TSPAN14: variants seen among roughly 807,000 people sequenced by gnomAD.
The protein encoded by TSPAN14 is tetraspanin 14, also known as tetraspanin-14.
A neutral mutation model predicts 36.6 loss-of-function variants in TSPAN14; 16 were observed. That is an observed-to-expected ratio of 0.44 (90% CI 0.30 to 0.66). The LOEUF (loss-of-function observed/expected upper bound fraction) is 0.66, where lower values mean the gene tolerates loss of function less well. Among genes scored for constraint, TSPAN14 ranks in the 30% least tolerant of loss-of-function variants. The pLI, the probability that TSPAN14 is intolerant of heterozygous loss-of-function variation, is 0.12. For synonymous variants in TSPAN14, 139 were observed against 143.8 expected, an observed-to-expected ratio of 0.97 and a Z score of 0.24; for missense variants, 231 against 355.1, an observed-to-expected ratio of 0.65 and a Z score of 2.81.
intron 1 of TSPAN14, among the ~76,000 whole-genome samples, chr10:80,465,464 G>T (rs1180220943): frequency 1.3e-5 from 2 of 152,202 alleles, no homozygotes; most frequent in East Asian, 3.8e-4. Context: ...GCGCTGGTGG[G>T]GTGGAAACCC....
In TSPAN14 at chr10:80,509,704, G is replaced by T; in HGVS notation, c.450+233G>T. ...TGGGATTGGGCAGGCAAGTCCAGCT[G>T]TACCCGAGGCCACCCACCCCCCACG... On this transcript the variant is annotated intron_variant, in intron 5 of 8. Coordinates refer to ENST00000429989, the Ensembl canonical transcript of TSPAN14. The surrounding 1 kb of genome is among the most constrained non-coding windows in gnomAD (Gnocchi z 4.7). 1.8e-6 allele frequency: 1 copy of T among 541,376 alleles called. No homozygotes were observed. Among genetic ancestry groups the T allele is most frequent in the Non-Finnish European group, 3.3e-6 (1 of 306,516 alleles). 33.5% of individuals were successfully genotyped at this position (541,376 alleles called of 1,614,324 possible).
At chr10:80,465,420 A>G (rs771845128) in intron 1 of TSPAN14, among the ~76,000 whole-genome samples, 10 of 152,272 alleles carry the variant, frequency 6.6e-5, no homozygotes, top group East Asian at 1.9e-4. Context: ...CTTGAATCTC[A>G]GGCTGGCAGT....
At chr10:80,493,076 A>G (rs908571344) in intron 2 of TSPAN14, among the ~76,000 whole-genome samples, 5 of 152,216 alleles carry the variant, frequency 3.3e-5, no homozygotes, top group Non-Finnish European at 7.3e-5. Flanking sequence ...GCTTCCATGC[A>G]ACATGGCTTT....
chr10:80,454,416 C>A (rs1302839260), intron 1 of TSPAN14, 45 bp downstream of exon 1: 2 of 152,308 alleles, frequency 1.3e-5, no homozygotes, highest in Non-Finnish European at 2.9e-5. Context: ...GGCCCTGCCC[C>A]TTTCTTTGTC....
chr10:80,502,422 C>A (rs1211661126), intron 2 of TSPAN14, among the ~76,000 whole-genome samples: 1 of 152,064 alleles, frequency 6.6e-6, no homozygotes, highest in Non-Finnish European at 1.5e-5. Flanking sequence ...GTGAGGAGCC[C>A]CGTGGGATCC....
chr10:80,513,201 T>C (rs1438144501), intron 6 of TSPAN14, among the ~76,000 whole-genome samples: 1 of 152,172 alleles, frequency 6.6e-6, no homozygotes, highest in Non-Finnish European at 1.5e-5. Flanking sequence ...GCCTGTCCTG[T>C]CCTTTCTTTA....
intron 1 of TSPAN14, among the ~76,000 whole-genome samples, chr10:80,457,483 C>T (rs1034097429): frequency 1.1e-4 from 16 of 152,178 alleles, no homozygotes; most frequent in African/African-American, 2.7e-4. Context: ...GCCACTGTGC[C>T]GGACCAGGTT....
intron 5 of TSPAN14, among the ~76,000 whole-genome samples, chr10:80,511,743 TC>T (rs1840651141): frequency 2.7e-5 from 4 of 148,144 alleles, no homozygotes; most frequent in African/African-American, 1.0e-4. Context: ...TCTCTCTCTC[TC>T]TCTCTCTCTC....
chr10:80,498,975 A>AC (rs1365082194), intron 2 of TSPAN14, among the ~76,000 whole-genome samples: 3 of 152,110 alleles, frequency 2.0e-5, no homozygotes, highest in African/African-American at 7.2e-5. Context: ...ATTGTGCAAG[A>AC]CCCGGAGGCC....
At chr10:80,467,020 G>A (rs776261217) in intron 1 of TSPAN14, among the ~76,000 whole-genome samples, 13 of 152,208 alleles carry the variant, frequency 8.5e-5, no homozygotes, top group Non-Finnish European at 1.2e-4. Context: ...AAGGAAGTCC[G>A]TTAACCAATA....
intron 1 of TSPAN14, among the ~76,000 whole-genome samples, chr10:80,465,434 C>G (rs1026600557): frequency 6.6e-6 from 1 of 152,202 alleles, no homozygotes; most frequent in African/African-American, 2.4e-5. Context: ...TGGCAGTGGG[C>G]AGCAGGCAGC....
intron 1 of TSPAN14, among the ~76,000 whole-genome samples, chr10:80,477,066 C>T (rs1846956936): frequency 1.3e-5 from 2 of 152,214 alleles, no homozygotes; most frequent in African/African-American, 4.8e-5. Flanking sequence ...CTTAGAGTCC[C>T]TCACTGGTCC....
chr10:80,498,118 G>C (rs762438118), intron 2 of TSPAN14, among the ~76,000 whole-genome samples: 7 of 152,178 alleles, frequency 4.6e-5, no homozygotes, highest in Non-Finnish European at 7.3e-5. Flanking sequence ...TGGGTCTGGG[G>C]TCTGCACCCT....
chr10:80,509,623 C>T lies in TSPAN14; in HGVS notation c.450+152C>T. On this transcript the variant is annotated intron_variant, in intron 5 of 8. Coordinates refer to ENST00000429989, the Ensembl canonical transcript of TSPAN14. The surrounding 1 kb of genome is among the most constrained non-coding windows in gnomAD (Gnocchi z 4.7). ...GGCCGTGGAACAAGCCACTCCACCT[C>T]TGGTCTGTTCCACTTTGCCGGCTTG... The T allele has an allele frequency of 1.3e-6, 1 of 764,902 alleles. No homozygotes were observed. Among genetic ancestry groups the T allele is most frequent in the Non-Finnish European group, 2.0e-6 (1 of 488,582 alleles). 47.4% of individuals were successfully genotyped at this position (764,902 alleles called of 1,614,324 possible).
At chr10:80,478,336 TA>T (rs1847039934) in intron 1 of TSPAN14, among the ~76,000 whole-genome samples, 2 of 152,006 alleles carry the variant, frequency 1.3e-5, no homozygotes, top group Non-Finnish European at 2.9e-5. Context: ...AGATGAATAA[TA>T]AATAAGGCAG....
chr10:80,512,141 C>T lies in TSPAN14; in HGVS notation c.451-3C>T. On this transcript the variant is annotated splice_polypyrimidine_tract_variant and splice_region_variant and intron_variant, in intron 5 of 8. Coordinates refer to ENST00000429989, the Ensembl canonical transcript of TSPAN14. ...CTAACAGTTCTGGCTTTTGTGGTTGCAGAACCAGTGCTGTGGCGCATATGG... is the reference window on the plus strand; with the variant it reads ...CTAACAGTTCTGGCTTTTGTGGTTGTAGAACCAGTGCTGTGGCGCATATGG... The T allele has an allele frequency of 3.7e-6, 6 of 1,614,140 alleles. No individual in the cohort carries two copies. The highest frequency in any genetic ancestry group is 5.1e-6 in the Non-Finnish European group (6 of 1,179,980).
intron 7 of TSPAN14, 130 bp from the exon 8 acceptor site, chr10:80,516,074 C>T (rs1840922106): frequency 2.1e-6 from 3 of 1,427,886 alleles, no homozygotes; most frequent in Non-Finnish European, 2.9e-6. Context: ...CTGGAGAGTC[C>T]TCCTTGCCTG....
rs568492789 is a variant in TSPAN14 at position 80,497,623 on chromosome 10, G to A, written c.82-7105G>A. On this transcript the variant is annotated intron_variant, in intron 2 of 8. Transcript: ENST00000429989. ...GAACTGTGCCAAAGTTAGGTTGGGG[G>A]GTTCCCTCTCTCCTGGGGGTACTGC... Among the ~76,000 whole-genome samples the A allele has an allele frequency of 3.9e-4, 60 of 152,244 alleles. No individual in the cohort carries two copies. In the East Asian group the frequency reaches 0.011, roughly 28 times the overall value.
intron 5 of TSPAN14, among the ~76,000 whole-genome samples, chr10:80,510,838 C>T (rs1840579170): frequency 6.6e-6 from 1 of 152,132 alleles, no homozygotes; most frequent in African/African-American, 2.4e-5. Flanking sequence ...CACGCCACTG[C>T]AGTCCAGCCT....
Sources: allele counts gnomAD v4.1 joint callset (sites outside exome capture counted in the v4.1 genomes callset), GRCh38; gene constraint gnomAD v4.1.1; non-coding constraint Gnocchi (gnomAD v3.1); transcripts MANE v1.5; gene names NCBI Gene and HGNC (gene_info 2026-07-23, HGNC 2026-07-21).